The following ZDHHC11 variants were observed in gnomAD, a reference collection of about 807,000 sequenced individuals.
ZDHHC11 encodes zDHHC palmitoyltransferase 11.
ZDHHC11 carries 44 observed loss-of-function variants against 51.3 expected under a neutral mutation model. The ratio of observed to expected loss-of-function variants is 0.86; its 90% confidence interval spans 0.67 to 1.10. The LOEUF (loss-of-function observed/expected upper bound fraction) is 1.10. Ranked by LOEUF, ZDHHC11 falls within the 50% of genes least tolerant of loss-of-function variation. The pLI, the probability that ZDHHC11 is intolerant of heterozygous loss-of-function variation, is 0.00. For synonymous variants in ZDHHC11, 163 were observed against 222.0 expected (o/e 0.73, Z 2.36); for missense variants, 400 against 537.7 (o/e 0.74, Z 2.53).
upstream of ZDHHC11, among the ~76,000 whole-genome samples, chr5:854,252 T>G (rs1252917737): frequency 2.8e-5 from 3 of 108,012 alleles, no homozygotes; most frequent in Admixed American, 2.1e-4. Context: ...TTGAGCAGTG[T>G]GGATAGACCC....
chr5:806,772 C>A (rs576374795), intron 11 of ZDHHC11, among the ~76,000 whole-genome samples: 2 of 148,592 alleles, frequency 1.3e-5, no homozygotes, highest in East Asian at 3.9e-4. Context: ...CACATGTGTT[C>A]AGATTCATTA....
intron 3 of ZDHHC11, among the ~76,000 whole-genome samples, chr5:844,830 G>A (rs1392066468): frequency 6.6e-5 from 10 of 152,410 alleles, no homozygotes; most frequent in Non-Finnish European, 1.2e-4. Context: ...CCAGTCTCTC[G>A]TCTTTGCTCA....
chr5:807,280 T>C (rs6884042), intron 11 of ZDHHC11, among the ~76,000 whole-genome samples: 32,496 of 149,222 alleles, frequency 0.22, 5,032 homozygotes, highest in African/African-American at 0.46. Flanking sequence ...AAGTATCCAA[T>C]GTATTGCACG....
At chr5:810,794 A>G (rs1452660657) in intron 11 of ZDHHC11, among the ~76,000 whole-genome samples, 20 of 152,060 alleles carry the variant, frequency 1.3e-4, no homozygotes, top group African/African-American at 4.3e-4. Context: ...CACATTCAAC[A>G]AGGTTAGCTC....
chr5:837,746 C>A (rs28556299), intron 5 of ZDHHC11, among the ~76,000 whole-genome samples: 6,106 of 151,816 alleles, frequency 0.04, 333 homozygotes, highest in African/African-American at 0.13. Flanking sequence ...CCGCCTGCCA[C>A]GGCCTCATTG....
intron 12 of ZDHHC11, among the ~76,000 whole-genome samples, chr5:797,716 A>G (rs1379384256): frequency 1.7e-4 from 26 of 151,592 alleles, no homozygotes; most frequent in African/African-American, 6.3e-4. Flanking sequence ...TGGTCTGCCA[A>G]ATTCAACATC....
At chr5:809,184 C>G (rs1579566492) in intron 11 of ZDHHC11, among the ~76,000 whole-genome samples, 1 of 143,418 alleles carries the variant, frequency 7.0e-6, no homozygotes, top group African/African-American at 2.6e-5. Context: ...TCCACCCCAT[C>G]ACATAACTGT....
At chr5:859,426 G>A (rs569279044), upstream of ZDHHC11, among the ~76,000 whole-genome samples, 3 of 152,086 alleles carry the variant, frequency 2.0e-5, no homozygotes, top group African/African-American at 2.4e-5. Context: ...GTTGTGGTCC[G>A]CAACAAAATG....
At chr5:797,238 A>G (rs1425036047) in intron 12 of ZDHHC11, among the ~76,000 whole-genome samples, 1 of 151,342 alleles carries the variant, frequency 6.6e-6, no homozygotes, top group Non-Finnish European at 1.5e-5. Flanking sequence ...ATATATATAT[A>G]TATTCTTTGT....
chr5:845,896 C>T (rs1324712560), intron 3 of ZDHHC11, among the ~76,000 whole-genome samples: 2 of 149,926 alleles, frequency 1.3e-5, no homozygotes, highest in African/African-American at 5.1e-5. Flanking sequence ...TGGTCCCTCT[C>T]CAGCACCCCT....
At chr5:838,237 G>C (rs774739526) in intron 5 of ZDHHC11, among the ~76,000 whole-genome samples, 8 of 151,956 alleles carry the variant, frequency 5.3e-5, no homozygotes, top group Non-Finnish European at 1.2e-4. Flanking sequence ...AGCAGCCCAG[G>C]GAAGCAAAGC....
intron 12 of ZDHHC11, among the ~76,000 whole-genome samples, chr5:799,050 T>G (rs1359094624): frequency 6.6e-6 from 1 of 151,632 alleles, no homozygotes; most frequent in Non-Finnish European, 1.5e-5. Context: ...TGCTGTGGTT[T>G]GGACATCTGA....
At position 840,884 on chromosome 5, in the gene ZDHHC11, T is replaced by C. The variant is rs1224459932; in HGVS notation, c.629-234A>G. 145 of 1,435,244 alleles carry C rather than the reference T, an allele frequency of 1.0e-4. No homozygotes were observed. In the Middle Eastern group the frequency reaches 1.8e-3, roughly 18 times the overall value. The allele number at this position is 1,435,244 out of a possible 1,614,324, so 88.9% of individuals were successfully genotyped here. On this transcript the variant is annotated intron_variant, in intron 4 of 12. Transcript: ENST00000283441. ...GGATCTGGGAGGTGAGGCTCCAACA[T>C]TGTCACTAAGTGCCGGGGTCACAGT...
At chr5:844,687 A>T (rs1449068930) in intron 3 of ZDHHC11, among the ~76,000 whole-genome samples, 1 of 152,304 alleles carries the variant, frequency 6.6e-6, no homozygotes, top group African/African-American at 2.4e-5. Context: ...CTGCACCCAA[A>T]GGGAACTCGG....
intron 3 of ZDHHC11, among the ~76,000 whole-genome samples, chr5:847,273 C>T (rs551060079): frequency 6.6e-5 from 10 of 151,682 alleles, no homozygotes; most frequent in African/African-American, 1.7e-4. Flanking sequence ...CAAGTGCCCC[C>T]GGGGGGCCTC....
intron 3 of ZDHHC11, among the ~76,000 whole-genome samples, chr5:844,639 G>A (rs1579777289): frequency 1.3e-5 from 2 of 152,430 alleles, no homozygotes; most frequent in South Asian, 4.1e-4. Flanking sequence ...GAGTGCCGTG[G>A]CACCCAGGAG....
chr5:829,428 C>T (rs539684504), intron 7 of ZDHHC11, among the ~76,000 whole-genome samples: 15 of 152,068 alleles, frequency 9.9e-5, no homozygotes, highest in Admixed American at 5.2e-4. Flanking sequence ...TGGAAATATA[C>T]AACCCACCTA....
chr5:804,105 G>A (rs574830614), intron 11 of ZDHHC11, among the ~76,000 whole-genome samples: 42 of 151,454 alleles, frequency 2.8e-4, no homozygotes, highest in African/African-American at 9.9e-4. Context: ...ATTATCAGCA[G>A]TTGTGTTTTC....
At chr5:858,376 T>TCC (rs150431403) in intron 1 of ZDHHC11, among the ~76,000 whole-genome samples, 43 of 116,450 alleles carry the variant, frequency 3.7e-4, no homozygotes, top group African/African-American at 1.3e-3. Flanking sequence ...GACACCGTGG[T>TCC]CCCCCAAGTC....
Sources: gnomAD v4.1 joint callset for allele counts (sites outside exome capture counted in the v4.1 genomes callset) on GRCh38, gnomAD v4.1.1 for gene constraint, MANE v1.5 for transcripts, NCBI Gene and HGNC (gene_info 2026-07-23, HGNC 2026-07-21) for gene names.